Variants in CACNA1A observed in about 807,000 individuals in gnomAD.
The protein encoded by CACNA1A is voltage-dependent P/Q-type calcium channel subunit alpha-1A.
Under a neutral mutation model 262.4 loss-of-function variants are expected in CACNA1A, and 57 were observed. That is an observed-to-expected ratio of 0.22 (90% CI 0.18 to 0.27). CACNA1A has a LOEUF of 0.27. Ranked by LOEUF, CACNA1A falls within the 10% of genes least tolerant of loss-of-function variation. The probability of loss-of-function intolerance (pLI) is 1.00; values close to 1 mark genes in which losing one functional copy is unlikely to be tolerated. For synonymous variants in CACNA1A, 1,431 were observed against 1,419.3 expected (o/e 1.01, Z -0.18); for missense variants, 2,526 against 3,562.8 (o/e 0.71, Z 7.41).
chr19:13,506,342 C>G lies in CACNA1A; in HGVS notation c.-118G>C. ...GGGGCTGGGAGCGCGGCGGCTGGAG[C>G]TACGACTGCGGAGACGCTCCACGGC... On this transcript the variant is annotated 5_prime_UTR_variant, in exon 1 of 47. Coordinates refer to ENST00000360228, the MANE Select transcript of CACNA1A (RefSeq NM_001127222.2). 1.0e-6 allele frequency: 1 copy of G among 957,700 alleles called. No homozygotes were observed. The highest frequency in any genetic ancestry group is 1.4e-6 in the Non-Finnish European group (1 of 700,918). The allele number at this position is 957,700 out of a possible 1,614,324, so 59.3% of individuals were successfully genotyped here.
rs1246254915 is a variant in CACNA1A at position 13,299,128 on chromosome 19, G to C, written c.2505C>G (p.Thr835=). 2 of 1,613,182 alleles carry C rather than the reference G, an allele frequency of 1.2e-6. No individual in the cohort carries two copies. The highest frequency in any genetic ancestry group is 3.3e-5 in the Admixed American group (2 of 59,994). The change falls in exon 19 of 47, where the codon ACC becomes ACG. Residue 835 remains threonine, a synonymous_variant. Coordinates refer to ENST00000360228, the MANE Select transcript of CACNA1A (RefSeq NM_001127222.2). Reference sequence around the variant, plus strand: ...TGGGCTCGGCCGCCCGGCTCTTGTTGGTGTTGTTGTTGCGGTTCTCCTGCG... The same window carrying C: ...TGGGCTCGGCCGCCCGGCTCTTGTTCGTGTTGTTGTTGCGGTTCTCCTGCG... The part of the protein sequence containing the change: ...VDPQENRNNN[T]NKSRAAEPTV...
intron 3 of CACNA1A, among the ~76,000 whole-genome samples, chr19:13,383,158 C>T (rs2059551318): frequency 6.6e-6 from 1 of 152,190 alleles, no homozygotes; most frequent in African/African-American, 2.4e-5. Flanking sequence ...GCCAGATATT[C>T]AGAGAGTGCC....
chr19:13,256,552 A>C (rs4926146), intron 28 of CACNA1A: 46,131 of 152,046 alleles, frequency 0.3, 7,536 homozygotes, highest in East Asian at 0.6. Flanking sequence ...GTGCAGTGGC[A>C]TAATGATAGC....
intron 3 of CACNA1A, among the ~76,000 whole-genome samples, chr19:13,413,895 A>AAAAGAAAGAAATAAAGAAAGAAAG (rs1555783334): frequency 8.4e-6 from 1 of 119,138 alleles, no homozygotes; most frequent in Non-Finnish European, 1.6e-5. Flanking sequence ...GAAAGAAAGA[A>AAAAGAAAGAAATAAAGAAAGAAAG]AAAGAAAGAA....
chr19:13,426,443 G>A (rs2060404940), intron 3 of CACNA1A, among the ~76,000 whole-genome samples: 1 of 152,180 alleles, frequency 6.6e-6, no homozygotes, highest in Admixed American at 6.5e-5. Flanking sequence ...TTAGTAGGGT[G>A]AGAGGCCAGG....
chr19:13,465,222 C>G (rs147861838), intron 1 of CACNA1A, among the ~76,000 whole-genome samples: 1 of 151,932 alleles, frequency 6.6e-6, no homozygotes, highest in Admixed American at 6.5e-5. Context: ...TGAGCCACCG[C>G]GTCCAGCCTT....
chr19:13,470,853 GT>G (rs1414185320), intron 1 of CACNA1A, among the ~76,000 whole-genome samples: 5 of 152,192 alleles, frequency 3.3e-5, no homozygotes, highest in Non-Finnish European at 5.9e-5. Context: ...ATACCACTCT[GT>G]GTCTTCTTAG....
chr19:13,503,608 C>T (rs1446311568), intron 1 of CACNA1A, among the ~76,000 whole-genome samples: 1 of 151,858 alleles, frequency 6.6e-6, no homozygotes, highest in African/African-American at 2.4e-5. Flanking sequence ...AGGTCTCTGT[C>T]CATCCCCTCT....
At chr19:13,415,129 T>TA (rs1326216576) in intron 3 of CACNA1A, among the ~76,000 whole-genome samples, 38 of 150,512 alleles carry the variant, frequency 2.5e-4, no homozygotes, top group African/African-American at 8.8e-4. Context: ...CCAGGGAGCT[T>TA]AAAGGAGTCA....
intron 43 of CACNA1A, chr19:13,211,650 ACG>A (rs2054815066): frequency 5.1e-6 from 1 of 196,102 alleles, no homozygotes; most frequent in African/African-American, 2.3e-5. Flanking sequence ...ACGTGCACAC[ACG>A]TGTGTGTATG....
At chr19:13,504,740 A>T (rs1030038860) in intron 1 of CACNA1A, among the ~76,000 whole-genome samples, 7 of 152,206 alleles carry the variant, frequency 4.6e-5, no homozygotes, top group African/African-American at 1.7e-4. Context: ...CAGCCTGGGC[A>T]GCAGGGTGTG....
In CACNA1A at chr19:13,286,688, C is replaced by G; in HGVS notation, c.3368G>C (p.Arg1123Pro). Residue 1123 changes from arginine to proline, a missense_variant, in exon 20 of 47, where the codon CGG becomes CCG. Coordinates refer to ENST00000360228, the MANE Select transcript of CACNA1A (RefSeq NM_001127222.2). ...TGGGTTCCCCGGGTTGTTGGGCGTC[C>G]GGCGGCTGGCGGCGTTCTGGGGGTT... The part of the protein sequence containing the change: ...ATNPQNAASR[R>P]TPNNPGNPSN... The G allele has an allele frequency of 6.4e-7, 1 of 1,570,958 alleles. No homozygotes were observed. Among genetic ancestry groups the G allele is most frequent in the Non-Finnish European group, 8.6e-7 (1 of 1,157,768 alleles).
chr19:13,437,038 GA>G (rs1416630336), intron 3 of CACNA1A, among the ~76,000 whole-genome samples: 2 of 152,198 alleles, frequency 1.3e-5, no homozygotes, highest in African/African-American at 4.8e-5. Flanking sequence ...GTCTGGGTAA[GA>G]ATTAAGCAGA....
At chr19:13,387,200 C>A (rs2059630002) in intron 3 of CACNA1A, among the ~76,000 whole-genome samples, 1 of 152,184 alleles carries the variant, frequency 6.6e-6, no homozygotes, top group Non-Finnish European at 1.5e-5. Context: ...ATCCACCCCA[C>A]CCGTCTTGGC....
At chr19:13,464,372 C>A (rs2061181158) in intron 1 of CACNA1A, among the ~76,000 whole-genome samples, 1 of 152,208 alleles carries the variant, frequency 6.6e-6, no homozygotes, top group East Asian at 1.9e-4. Flanking sequence ...GCACTCCAGT[C>A]TGGGCAACAG....
At chr19:13,459,063 G>A (rs2061067850) in intron 1 of CACNA1A, among the ~76,000 whole-genome samples, 1 of 152,098 alleles carries the variant, frequency 6.6e-6, no homozygotes, top group Non-Finnish European at 1.5e-5. Flanking sequence ...CCTGTCCAGT[G>A]ATGACAACCT....
chr19:13,344,213 C>CA (rs2058722565), intron 6 of CACNA1A, among the ~76,000 whole-genome samples: 1 of 28,392 alleles, frequency 3.5e-5, no homozygotes, highest in Non-Finnish European at 7.5e-5. Flanking sequence ...GACTCTGTCT[C>CA]AAAAAAGCAA....
At chr19:13,293,958 G>A (rs994015268) in intron 19 of CACNA1A, among the ~76,000 whole-genome samples, 1 of 151,948 alleles carries the variant, frequency 6.6e-6, no homozygotes, top group Non-Finnish European at 1.5e-5. Flanking sequence ...AATGTTTACT[G>A]TTGTCTTTCA....
intron 3 of CACNA1A, among the ~76,000 whole-genome samples, chr19:13,418,286 G>A (rs560915445): frequency 6.6e-6 from 1 of 152,088 alleles, no homozygotes; most frequent in Non-Finnish European, 1.5e-5. Context: ...GAGTGGAGGT[G>A]GGGGCAGAAC....
Sources: allele counts gnomAD v4.1 joint callset (sites outside exome capture counted in the v4.1 genomes callset), GRCh38; gene constraint gnomAD v4.1.1; transcripts MANE v1.5; gene names NCBI Gene and HGNC (gene_info 2026-07-23, HGNC 2026-07-21).